The following ROBO1 variants were observed in gnomAD, a reference collection of about 807,000 sequenced individuals.
ROBO1 encodes the protein roundabout guidance receptor 1, also known as roundabout homolog 1.
In ROBO1, 149 loss-of-function variants were observed where a neutral mutation model predicts 195.9. The ratio of observed to expected loss-of-function variants is 0.76; its 90% CI spans 0.67 to 0.87. The LOEUF (loss-of-function observed/expected upper bound fraction) is 0.87, where lower values mean the gene tolerates loss of function less well. ROBO1 is among the 40% of genes least tolerant of loss of function. The probability of loss-of-function intolerance (pLI) is 0.00; values close to 1 mark genes in which losing one functional copy is unlikely to be tolerated. For synonymous variants in ROBO1, 816 were observed against 733.2 expected (o/e 1.11, Z -1.82); for missense variants, 1,933 against 2,068.3 (o/e 0.93, Z 1.27).
At chr3:78,889,989 C>T (rs2036795729) in intron 4 of ROBO1, among the ~76,000 whole-genome samples, 1 of 152,012 alleles carries the variant, frequency 6.6e-6, no homozygotes, top group Non-Finnish European at 1.5e-5. Flanking sequence ...AAACTGGGAC[C>T]TCTCTGTCTC....
At chr3:79,744,669 C>T (rs1269763021) in intron 1 of ROBO1, among the ~76,000 whole-genome samples, 2 of 152,000 alleles carry the variant, frequency 1.3e-5, no homozygotes, top group Admixed American at 6.6e-5. Flanking sequence ...TTAAGCCACC[C>T]GGTTTATTGT....
intron 2 of ROBO1, among the ~76,000 whole-genome samples, chr3:79,289,794 C>T (rs1559793627): frequency 6.6e-6 from 1 of 151,840 alleles, no homozygotes; most frequent in South Asian, 2.1e-4. Context: ...CAATAACATA[C>T]TTTGTTAGGG....
At position 78,600,275 on chromosome 3, in the gene ROBO1, T is replaced by C. The variant is rs914943487; in HGVS notation, c.4779A>G (p.Pro1593=). 1.1e-5 allele frequency: 17 copies of C among 1,612,764 alleles called. No homozygotes were observed. The highest frequency in any genetic ancestry group is 8.3e-5 in the Admixed American group (5 of 59,964). ...DILPYCRPTF[P]TSNNPRDPSS... is the part of the protein sequence containing the mutation. ...TGGGATCTCTGGGATTATTTGATGT[T>C]GGAAAAGTAGGTCTACAATAAGGTA... The change falls in exon 30 of 31, where the codon CCA becomes CCG. Residue 1593 remains proline (P), a synonymous_variant. Transcript: ENST00000464233.
intron 3 of ROBO1, among the ~76,000 whole-genome samples, chr3:78,956,495 G>A (rs1177528497): frequency 6.6e-6 from 1 of 152,074 alleles, no homozygotes; most frequent in Non-Finnish European, 1.5e-5. Context: ...AAATATCTGT[G>A]TTTAATTAAT....
chr3:79,433,630 G>A (rs1575819824), intron 2 of ROBO1, among the ~76,000 whole-genome samples: 4 of 152,018 alleles, frequency 2.6e-5, no homozygotes, highest in Admixed American at 2.6e-4. Flanking sequence ...TACTGCCCAA[G>A]GTAATTTATA....
intron 1 of ROBO1, among the ~76,000 whole-genome samples, chr3:79,732,698 C>A (rs1423572919): frequency 6.6e-6 from 1 of 152,146 alleles, no homozygotes; most frequent in East Asian, 1.9e-4. Flanking sequence ...TTTTAAGAAA[C>A]AGTTGACAAA....
At chr3:79,129,482 T>C (rs1210284246) in intron 2 of ROBO1, among the ~76,000 whole-genome samples, 3 of 152,030 alleles carry the variant, frequency 2.0e-5, no homozygotes, top group African/African-American at 4.8e-5. Flanking sequence ...CTTAAAACAG[T>C]CTTTCACATA....
intron 2 of ROBO1, among the ~76,000 whole-genome samples, chr3:79,172,264 G>C (rs2081181297): frequency 6.6e-6 from 1 of 152,172 alleles, no homozygotes; most frequent in African/African-American, 2.4e-5. Flanking sequence ...GTTTTAGCCA[G>C]TTGGGTCAAA....
At chr3:79,218,147 A>C (rs2082083673) in intron 2 of ROBO1, among the ~76,000 whole-genome samples, 1 of 152,054 alleles carries the variant, frequency 6.6e-6, no homozygotes. Flanking sequence ...AAGTGAATGT[A>C]AACTGGCATC....
chr3:78,809,743 G>GC (rs1287990167), intron 4 of ROBO1, among the ~76,000 whole-genome samples: 29 of 151,908 alleles, frequency 1.9e-4, no homozygotes, highest in South Asian at 2.1e-4. Flanking sequence ...CACAGAAACA[G>GC]AAAACCAAAC....
intron 2 of ROBO1, among the ~76,000 whole-genome samples, chr3:79,306,415 A>G (rs1455069253): frequency 6.6e-6 from 1 of 152,230 alleles, no homozygotes; most frequent in African/African-American, 2.4e-5. Flanking sequence ...GCACATAATC[A>G]ACATTTACTG....
chr3:79,448,572 C>T (rs1559907225), intron 2 of ROBO1, among the ~76,000 whole-genome samples: 1 of 152,056 alleles, frequency 6.6e-6, no homozygotes, highest in Non-Finnish European at 1.5e-5. Flanking sequence ...GGGTAATCCC[C>T]GCACCCCACC....
intron 1 of ROBO1, among the ~76,000 whole-genome samples, chr3:79,690,368 C>G (rs1947264187): frequency 6.6e-6 from 1 of 151,958 alleles, no homozygotes; most frequent in Non-Finnish European, 1.5e-5. Flanking sequence ...GACAAGAGAA[C>G]AGGCAGTGTG....
At chr3:79,056,178 T>C (rs1017285058) in intron 3 of ROBO1, among the ~76,000 whole-genome samples, 2 of 152,154 alleles carry the variant, frequency 1.3e-5, no homozygotes, top group African/African-American at 4.8e-5. Flanking sequence ...ATCTGTTTTT[T>C]ACTGTACCAT....
intron 1 of ROBO1, among the ~76,000 whole-genome samples, chr3:79,623,446 A>G (rs1448995637): frequency 1.3e-5 from 2 of 152,194 alleles, no homozygotes; most frequent in Non-Finnish European, 2.9e-5. Context: ...TGCTAAGAAC[A>G]TTGATAAAAT....
At chr3:79,338,373 G>A (rs1468904872) in intron 2 of ROBO1, among the ~76,000 whole-genome samples, 1 of 152,066 alleles carries the variant, frequency 6.6e-6, no homozygotes, top group Admixed American at 6.6e-5. Flanking sequence ...ATTCTTGTAA[G>A]TGCCTATTTG....
At chr3:78,732,017 T>A (rs1383527645) in intron 5 of ROBO1, among the ~76,000 whole-genome samples, 8 of 152,110 alleles carry the variant, frequency 5.3e-5, no homozygotes, top group Non-Finnish European at 8.8e-5. Flanking sequence ...ATTTTTAACG[T>A]CGAAAACATT....
At chr3:79,347,634 C>G (rs2035176196) in intron 2 of ROBO1, among the ~76,000 whole-genome samples, 1 of 152,080 alleles carries the variant, frequency 6.6e-6, no homozygotes, top group Non-Finnish European at 1.5e-5. Context: ...AGTGTCAATG[C>G]AATAGTATTG....
intron 1 of ROBO1, among the ~76,000 whole-genome samples, chr3:79,699,009 A>G (rs981472615): frequency 2.0e-5 from 3 of 151,126 alleles, no homozygotes; most frequent in African/African-American, 7.3e-5. Flanking sequence ...CATAACATCA[A>G]TTATGCACTG....
Sources: gnomAD v4.1 joint callset for allele counts (sites outside exome capture counted in the v4.1 genomes callset) on GRCh38, gnomAD v4.1.1 for gene constraint, MANE v1.5 for transcripts, NCBI Gene and HGNC (gene_info 2026-07-23, HGNC 2026-07-21) for gene names.